The following SLC2A9 variants were observed in gnomAD, a reference collection of about 807,000 sequenced individuals.
SLC2A9 encodes the protein solute carrier family 2 member 9, also known as solute carrier family 2, facilitated glucose transporter member 9.
SLC2A9 carries 39 observed loss-of-function variants against 50.6 expected under a neutral mutation model. The ratio of observed to expected loss-of-function variants is 0.77; its 90% CI spans 0.60 to 1.01. The LOEUF is 1.01. Among genes scored for constraint, SLC2A9 ranks in the 50% least tolerant of loss-of-function variants. The pLI is 0.00. For synonymous variants in SLC2A9, 324 were observed against 276.9 expected (o/e 1.17, Z -1.69); for missense variants, 686 against 677.6 (o/e 1.01, Z -0.14).
At chr4:9,825,687 A>G (rs1725027900), downstream of SLC2A9, among the ~76,000 whole-genome samples, 1 of 152,206 alleles carries the variant, frequency 6.6e-6, no homozygotes, top group African/African-American at 2.4e-5. Flanking sequence ...CTGTGAGCAC[A>G]CAGGACTCTA....
At chr4:9,839,405 C>T (rs1727646524) in intron 10 of SLC2A9, among the ~76,000 whole-genome samples, 1 of 152,056 alleles carries the variant, frequency 6.6e-6, no homozygotes, top group South Asian at 2.1e-4. Flanking sequence ...ATTAGTTCAA[C>T]CATTATGGAA....
intron 10 of SLC2A9, among the ~76,000 whole-genome samples, chr4:9,851,134 G>A (rs1310966438): frequency 2.0e-5 from 3 of 152,216 alleles, no homozygotes; most frequent in Non-Finnish European, 4.4e-5. Flanking sequence ...AGCGAGCATG[G>A]ATCCCACTGC....
downstream of SLC2A9, among the ~76,000 whole-genome samples, chr4:9,825,634 T>C (rs1308835365): frequency 2.0e-5 from 3 of 152,158 alleles, no homozygotes; most frequent in South Asian, 2.1e-4. Context: ...GCTGCAGTTA[T>C]GAGAAAGTTA....
chr4:9,943,438 G>A (rs1372975035), intron 5 of SLC2A9, among the ~76,000 whole-genome samples: 1 of 152,224 alleles, frequency 6.6e-6, no homozygotes, highest in Admixed American at 6.5e-5. Flanking sequence ...GTTTCAGGAG[G>A]AGCTCTCGCT....
intron 10 of SLC2A9, among the ~76,000 whole-genome samples, chr4:9,875,345 T>C (rs550478548): frequency 6.8e-5 from 10 of 147,614 alleles, no homozygotes; most frequent in African/African-American, 2.5e-4. Context: ...CTGTCTAAGA[T>C]GGGATGCTGT....
intron 10 of SLC2A9, chr4:9,879,127 A>G: frequency 1.1e-6 from 1 of 877,312 alleles, no homozygotes; most frequent in Non-Finnish European, 1.4e-6. Context: ...CCCTGATGTT[A>G]GGAGGACTGA....
intron 10 of SLC2A9, among the ~76,000 whole-genome samples, chr4:9,865,621 A>C (rs377623195): frequency 6.6e-6 from 1 of 152,352 alleles, no homozygotes; most frequent in South Asian, 2.1e-4. Context: ...TTCTTCTTGC[A>C]TAATAGCTCT....
At chr4:9,989,534 C>A (rs952262278) in intron 3 of SLC2A9, among the ~76,000 whole-genome samples, 2 of 152,070 alleles carry the variant, frequency 1.3e-5, no homozygotes, top group African/African-American at 4.8e-5. Flanking sequence ...TATTTCTGCA[C>A]CTGCATCTGT....
chr4:9,883,589 G>T (rs562137526), intron 10 of SLC2A9, among the ~76,000 whole-genome samples: 2 of 152,352 alleles, frequency 1.3e-5, no homozygotes, highest in East Asian at 3.9e-4. Context: ...GCTAGTGGCT[G>T]AATGCCATTA....
intron 3 of SLC2A9, among the ~76,000 whole-genome samples, chr4:9,786,735 G>A (rs1719266156): frequency 6.6e-6 from 1 of 152,190 alleles, no homozygotes. Context: ...GGGAAAATTA[G>A]TAGAGGAACC....
chr4:9,998,875 C>G (rs1255887431), intron 2 of SLC2A9, among the ~76,000 whole-genome samples: 1 of 152,262 alleles, frequency 6.6e-6, no homozygotes, highest in East Asian at 1.9e-4. Context: ...AAAAATAACA[C>G]CAACCAAAAG....
intron 6 of SLC2A9, among the ~76,000 whole-genome samples, chr4:9,929,744 C>G (rs1577939971): frequency 1.0e-5 from 1 of 99,940 alleles, no homozygotes; most frequent in Non-Finnish European, 2.4e-5. Flanking sequence ...GTATCATTTT[C>G]CCAATGTCCA....
chr4:9,899,460 A>G (rs938559), intron 8 of SLC2A9, among the ~76,000 whole-genome samples: 273 of 152,324 alleles, frequency 1.8e-3, no homozygotes, highest in African/African-American at 6.3e-3. Context: ...ACTTTCACAG[A>G]TCTCTCTAAA....
At chr4:9,979,780 G>A (rs1345259910) in intron 5 of SLC2A9, among the ~76,000 whole-genome samples, 4 of 152,088 alleles carry the variant, frequency 2.6e-5, no homozygotes, top group African/African-American at 9.7e-5. Context: ...GTGGCTCAGT[G>A]AACAGACGCT....
chr4:9,928,515 C>A (rs7684306), intron 6 of SLC2A9, among the ~76,000 whole-genome samples: 72,772 of 152,084 alleles, frequency 0.48, 19,099 homozygotes, highest in East Asian at 0.89. Context: ...GCAGATCACC[C>A]GAGGTCAGGA....
chr4:9,988,751 A>G (rs1044352098), intron 3 of SLC2A9, among the ~76,000 whole-genome samples: 1 of 152,148 alleles, frequency 6.6e-6, no homozygotes, highest in African/African-American at 2.4e-5. Flanking sequence ...TCTCAAGGGG[A>G]AAAAAAGACC....
At chr4:9,852,685 C>T (rs943865295) in intron 10 of SLC2A9, among the ~76,000 whole-genome samples, 1 of 152,162 alleles carries the variant, frequency 6.6e-6, no homozygotes, top group Admixed American at 6.5e-5. Context: ...ACCAGATCTG[C>T]CATATAAAAG....
At chr4:9,957,444 GAGAACCAC>G (rs1751502151) in intron 5 of SLC2A9, among the ~76,000 whole-genome samples, 1 of 152,148 alleles carries the variant, frequency 6.6e-6, no homozygotes, top group African/African-American at 2.4e-5. Flanking sequence ...ATATGAATGG[GAGAACCAC>G]ACTTTTGAAA....
intron 10 of SLC2A9, among the ~76,000 whole-genome samples, chr4:9,881,284 G>T (rs1248988315): frequency 6.6e-6 from 1 of 152,236 alleles, no homozygotes; most frequent in African/African-American, 2.4e-5. Flanking sequence ...TTATGTCTTG[G>T]TTGGCCTTCA....
Sources: allele counts gnomAD v4.1 joint callset (sites outside exome capture counted in the v4.1 genomes callset), GRCh38; gene constraint gnomAD v4.1.1; transcripts MANE v1.5; gene names NCBI Gene and HGNC (gene_info 2026-07-23, HGNC 2026-07-21).